The following PKNOX2 variants were observed in gnomAD, a reference collection of about 807,000 sequenced individuals.
PKNOX2 encodes PBX/knotted 1 homeobox 2, also known as homeobox protein PKNOX2.
A neutral mutation model predicts 53.1 loss-of-function variants in PKNOX2; 14 were observed. The observed-to-expected ratio is 0.26, with a 90% confidence interval of 0.17 to 0.41. The LOEUF (loss-of-function observed/expected upper bound fraction) is 0.41. PKNOX2 is among the 10% of genes least tolerant of loss of function. The pLI, the probability that PKNOX2 is intolerant of heterozygous loss-of-function variation, is 1.00. For synonymous variants in PKNOX2, 257 were observed against 242.8 expected, an observed-to-expected ratio of 1.06 and a Z score of -0.54; for missense variants, 496 against 602.8, an observed-to-expected ratio of 0.82 and a Z score of 1.85.
intron 2 of PKNOX2, among the ~76,000 whole-genome samples, chr11:125,278,061 C>CA (rs531438622): frequency 2.6e-5 from 4 of 151,338 alleles, no homozygotes; most frequent in Admixed American, 6.6e-5. Context: ...TACAAAAATA[C>CA]AAAAAAAATT....
At chr11:125,426,951 G>A (rs548402471) in intron 10 of PKNOX2, among the ~76,000 whole-genome samples, 4 of 152,364 alleles carry the variant, frequency 2.6e-5, no homozygotes, top group Admixed American at 6.5e-5. Context: ...AAAGGCACGC[G>A]AGGACAGGCA....
chr11:125,415,973 C>T (rs570177420), intron 10 of PKNOX2, among the ~76,000 whole-genome samples: 83 of 152,306 alleles, frequency 5.4e-4, no homozygotes, highest in Non-Finnish European at 9.4e-4. Flanking sequence ...TAAACCTCTC[C>T]TATACTGTAA....
At chr11:125,309,357 T>C (rs934779445) in intron 2 of PKNOX2, among the ~76,000 whole-genome samples, 1 of 151,228 alleles carries the variant, frequency 6.6e-6, no homozygotes, top group Admixed American at 6.6e-5. Flanking sequence ...CCCTCACCCA[T>C]ACAGTTTGCA....
At position 125,261,833 on chromosome 11, in the gene PKNOX2, G is replaced by A. The variant is rs1944870844; in HGVS notation, c.-130+26718G>A. On this transcript the variant is annotated intron_variant, in intron 2 of 12. Coordinates refer to ENST00000298282, the MANE Select transcript of PKNOX2 (RefSeq NM_001382323.2). ...GAGACACCAAATTTTTGTGAAAAAG[G>A]TGGTGTAAGTGCAAAAGCAATCTGC... Among the ~76,000 whole-genome samples, 3 of 152,352 alleles carry A rather than the reference G, an allele frequency of 2.0e-5. No homozygotes were observed. In the South Asian group the frequency reaches 6.2e-4, roughly 32 times the overall value.
At chr11:125,351,473 T>C (rs999452178) in intron 4 of PKNOX2, 81 bp downstream of exon 4, 2 of 915,656 alleles carry the variant, frequency 2.2e-6, no homozygotes, top group Admixed American at 4.4e-5. Flanking sequence ...GGCTGGGACA[T>C]TCCAGGGGCC....
At chr11:125,267,063 T>G (rs777991773) in intron 2 of PKNOX2, among the ~76,000 whole-genome samples, 1 of 152,222 alleles carries the variant, frequency 6.6e-6, no homozygotes, top group Non-Finnish European at 1.5e-5. Context: ...TTGCTATCAT[T>G]GTCTGTTTCC....
At chr11:125,331,168 C>A (rs1301509231) in intron 2 of PKNOX2, among the ~76,000 whole-genome samples, 1 of 152,178 alleles carries the variant, frequency 6.6e-6, no homozygotes, top group East Asian at 1.9e-4. Flanking sequence ...ATGCCGTGGT[C>A]CATTTCAAAT....
chr11:125,385,955 G>A (rs904220715), intron 6 of PKNOX2, among the ~76,000 whole-genome samples: 18 of 152,188 alleles, frequency 1.2e-4, no homozygotes, highest in Non-Finnish European at 2.6e-4. Context: ...TATGCCCAGG[G>A]TGGCACTAGC....
At chr11:125,259,990 C>T (rs1944717906) in intron 2 of PKNOX2, among the ~76,000 whole-genome samples, 2 of 152,022 alleles carry the variant, frequency 1.3e-5, no homozygotes, top group African/African-American at 4.8e-5. Context: ...GATCCTCCTG[C>T]CTCACTCTCC....
At chr11:125,333,559 C>CACACACACAA (rs932002544) in intron 3 of PKNOX2, among the ~76,000 whole-genome samples, 121 of 151,940 alleles carry the variant, frequency 8.0e-4, no homozygotes, top group African/African-American at 2.8e-3. Context: ...TACACACACA[C>CACACACACAA]ACACACACAC....
chr11:125,422,717 C>G lies in PKNOX2; in HGVS notation c.937-6295C>G, dbSNP rs926095556. ...GGGCTGCAGCTCTAAGAAAGTCCAC[C>G]TGAAAAATGGCTGCAGGAGATTTAC... On this transcript the variant is annotated intron_variant, in intron 10 of 12. Transcript: ENST00000298282. This position sits in a 1 kb window ranked among gnomAD's most constrained non-coding sequence, Gnocchi z 4.1. 1.3e-5 allele frequency among the ~76,000 whole-genome samples: 2 copies of G among 152,172 alleles called. No individual in the cohort carries two copies. The highest frequency in any genetic ancestry group is 4.8e-5 in the African/African-American group (2 of 41,446).
chr11:125,168,016 G>C (rs1955018850), intron 1 of PKNOX2, among the ~76,000 whole-genome samples: 1 of 152,184 alleles, frequency 6.6e-6, no homozygotes, highest in African/African-American at 2.4e-5. Flanking sequence ...CTCCCCAGCA[G>C]CCTCTCCCAG....
chr11:125,384,481 C>A (rs1953483859), intron 5 of PKNOX2, among the ~76,000 whole-genome samples: 1 of 152,100 alleles, frequency 6.6e-6, no homozygotes, highest in Non-Finnish European at 1.5e-5. Context: ...GTCAGGAGAT[C>A]GAGACCATCC....
chr11:125,263,389 T>C (rs550391835), intron 2 of PKNOX2, among the ~76,000 whole-genome samples: 1 of 151,608 alleles, frequency 6.6e-6, no homozygotes, highest in African/African-American at 2.4e-5. Context: ...GCGGGCCTAG[T>C]TTAGGCAAAC....
chr11:125,386,653 T>C (rs1055181902), intron 6 of PKNOX2, among the ~76,000 whole-genome samples: 1 of 150,894 alleles, frequency 6.6e-6, no homozygotes, highest in African/African-American at 2.4e-5. Context: ...AACTGGTACC[T>C]ACTTCCAAAA....
At chr11:125,344,259 C>G (rs1950854994) in intron 3 of PKNOX2, among the ~76,000 whole-genome samples, 1 of 152,140 alleles carries the variant, frequency 6.6e-6, no homozygotes, top group African/African-American at 2.4e-5. Context: ...TATTGTTACT[C>G]CAAATAAAGA....
rs1443282403 is a variant in PKNOX2 at position 125,394,958 on chromosome 11, T to TTGTGTG, written c.400-2916_400-2915insTGTGTG. 5.7e-4 allele frequency among the ~76,000 whole-genome samples: 77 copies of TTGTGTG among 134,404 alleles called. 1 individual carries two copies. Among genetic ancestry groups the TTGTGTG allele is most frequent in the African/African-American group, 1.3e-3 (44 of 33,058 alleles). 88.2% of individuals were successfully genotyped at this position (134,404 alleles called of 152,430 possible). A position where few individuals can be genotyped will look rare whatever the true frequency, so the allele number is the denominator to read the frequency against. ...CAGATTTCACCAGTTTTACGTGCCC[T>TTGTGTG]CGTGTGTGTGTGTGTGTGTGTGTGT... On this transcript the variant is annotated intron_variant, in intron 6 of 12. Transcript: ENST00000298282.
chr11:125,211,164 G>A (rs1939797838), intron 1 of PKNOX2, among the ~76,000 whole-genome samples: 1 of 152,110 alleles, frequency 6.6e-6, no homozygotes, highest in South Asian at 2.1e-4. Context: ...AGGCTGGTAA[G>A]CAGGGATAGT....
intron 1 of PKNOX2, chr11:125,188,180 G>GGTGTATGT (rs1956568947): frequency 6.6e-6 from 1 of 152,164 alleles, no homozygotes; most frequent in Admixed American, 6.5e-5. Flanking sequence ...TAGGAAGTTA[G>GGTGTATGT]GTGTATGTGG....
Sources: gnomAD v4.1 joint callset for allele counts (sites outside exome capture counted in the v4.1 genomes callset) on GRCh38, gnomAD v4.1.1 for gene constraint, Gnocchi (gnomAD v3.1) non-coding constraint, MANE v1.5 for transcripts, NCBI Gene and HGNC (gene_info 2026-07-23, HGNC 2026-07-21) for gene names.